The following USP33 variants were observed in gnomAD, a reference collection of about 807,000 sequenced individuals.
The protein encoded by USP33 is ubiquitin carboxyl-terminal hydrolase 33.
USP33 carries 46 observed loss-of-function variants against 124.2 expected under a neutral mutation model. That is an observed-to-expected ratio of 0.37 (90% CI 0.29 to 0.47). The LOEUF (loss-of-function observed/expected upper bound fraction) is 0.47. USP33 is among the 20% of genes least tolerant of loss of function. The pLI, the probability that USP33 is intolerant of heterozygous loss-of-function variation, is 0.99. For synonymous variants in USP33, 350 were observed against 352.3 expected (o/e 0.99, Z 0.07); for missense variants, 851 against 1,070.6 (o/e 0.79, Z 2.86).
At chr1:77,737,271 G>A (rs1289434830) in intron 5 of USP33, among the ~76,000 whole-genome samples, 1 of 152,208 alleles carries the variant, frequency 6.6e-6, no homozygotes, top group African/African-American at 2.4e-5. Context: ...GCAGGCATAT[G>A]CACTAATTCC....
chr1:77,721,787 A>G, intron 14 of USP33, 44 bp downstream of exon 14: 1 of 1,537,018 alleles, frequency 6.5e-7, no homozygotes, highest in South Asian at 1.2e-5. Flanking sequence ...CTAGTATTTT[A>G]GATTTACCTA....
At chr1:77,744,265 T>C (rs1462987917) in intron 1 of USP33, among the ~76,000 whole-genome samples, 2 of 151,884 alleles carry the variant, frequency 1.3e-5, no homozygotes, top group Non-Finnish European at 2.9e-5. Flanking sequence ...ATAACTGGCA[T>C]CTAATAAAAA....
chr1:77,741,087 CAA>C, intron 3 of USP33, 148 bp from the exon 4 acceptor site: 1 of 637,746 alleles, frequency 1.6e-6, no homozygotes, highest in South Asian at 2.7e-5. Flanking sequence ...TAAATTTAAC[CAA>C]ATGTTTCCAG....
chr1:77,714,507 G>T, intron 19 of USP33, 107 bp downstream of exon 19: 1 of 1,121,662 alleles, frequency 8.9e-7, no homozygotes. Flanking sequence ...TTGAATGCAG[G>T]TGGGGAAATG....
chr1:77,708,145 G>T (rs1411177500), intron 21 of USP33, among the ~76,000 whole-genome samples: 1 of 151,996 alleles, frequency 6.6e-6, no homozygotes, highest in African/African-American at 2.4e-5. Context: ...TTGACAAAGG[G>T]GTAGGCTGTG....
intron 16 of USP33, 107 bp from the exon 17 acceptor site, chr1:77,718,154 T>A: frequency 1.1e-6 from 1 of 928,274 alleles, no homozygotes; most frequent in Non-Finnish European, 1.6e-6. Context: ...GAAACTGAGG[T>A]GTTCAATCAA....
At chr1:77,718,415 T>C (rs1327755974) in intron 16 of USP33, among the ~76,000 whole-genome samples, 181 bp downstream of exon 16, 1 of 152,208 alleles carries the variant, frequency 6.6e-6, no homozygotes, top group African/African-American at 2.4e-5. Flanking sequence ...ACACAGCACA[T>C]TGTTAAAGGG....
At chr1:77,699,324 C>T (rs1463390142) in intron 22 of USP33, among the ~76,000 whole-genome samples, 1 of 152,116 alleles carries the variant, frequency 6.6e-6, no homozygotes, top group Admixed American at 6.5e-5. Flanking sequence ...AGTTTGAGAC[C>T]AACCTGGCTA....
At chr1:77,747,894 A>C (rs1406144568) in intron 1 of USP33, among the ~76,000 whole-genome samples, 1 of 152,082 alleles carries the variant, frequency 6.6e-6, no homozygotes, top group Non-Finnish European at 1.5e-5. Context: ...CTGTAATACT[A>C]CCTTTATCTT....
intron 7 of USP33, among the ~76,000 whole-genome samples, chr1:77,731,413 G>A (rs1677792909): frequency 6.6e-6 from 1 of 152,144 alleles, no homozygotes; most frequent in Admixed American, 6.5e-5. Context: ...TTAGCTTGAG[G>A]GAATCTCCAT....
chr1:77,750,350 C>A (rs116427229), intron 1 of USP33, among the ~76,000 whole-genome samples: 2,021 of 151,664 alleles, frequency 0.013, 40 homozygotes, highest in African/African-American at 0.047. Context: ...ATTGGCTGGG[C>A]AGCCACGCAT....
intron 21 of USP33, among the ~76,000 whole-genome samples, chr1:77,711,060 C>CA (rs1309937029): frequency 2.0e-5 from 3 of 151,862 alleles, no homozygotes; most frequent in Admixed American, 6.6e-5. Context: ...AGGAGTCCCT[C>CA]AAAAAAACAA....
At chr1:77,700,697 C>CTT (rs534786658) in intron 22 of USP33, among the ~76,000 whole-genome samples, 11 of 132,144 alleles carry the variant, frequency 8.3e-5, no homozygotes, top group Admixed American at 1.5e-4. Context: ...ATATCAGAAT[C>CTT]TTTTTTTTTT....
intron 23 of USP33, 123 bp downstream of exon 23, chr1:77,697,739 CT>C: frequency 1.9e-6 from 2 of 1,069,336 alleles, no homozygotes; most frequent in Non-Finnish European, 2.7e-6. Context: ...ATTACTTGCC[CT>C]AGTTAATGTA....
rs1445455448 is a variant in USP33 at position 77,741,650 on chromosome 1, T to G, written c.48A>C (p.Glu16Asp). 1.3e-6 allele frequency: 2 copies of G among 1,594,724 alleles called. No homozygotes were observed. The highest frequency in any genetic ancestry group is 2.7e-5 in the African/African-American group (2 of 73,910). ...NHCPHLDSVGEITKEDLIQKS... is the reference protein window; with the variant it reads ...NHCPHLDSVGDITKEDLIQKS... The stretch of plus-strand genomic sequence containing the variant: ...TTTGTATCAAATCTTCTTTTGTTAT[T>G]TCACCAACTGAATCCAAATGTGGAC... Residue 16 changes from glutamate (E) to aspartate (D), a missense_variant, in exon 2 of 24, where the codon GAA (glutamate) becomes GAC (aspartate). This residue lies in a region of USP33 where 221 missense variants were observed against 302.9 expected (regional missense o/e 0.73). Coordinates refer to ENST00000370794, the MANE Select transcript of USP33 (RefSeq NM_201624.3).
chr1:77,728,220 A>C, intron 10 of USP33, 75 bp downstream of exon 10: 1 of 1,408,082 alleles, frequency 7.1e-7, no homozygotes, highest in Non-Finnish European at 9.6e-7. Context: ...AAATACCCAA[A>C]GTAACAATTA....
intron 1 of USP33, among the ~76,000 whole-genome samples, chr1:77,753,223 C>T (rs951370111): frequency 2.0e-5 from 3 of 151,868 alleles, no homozygotes; most frequent in African/African-American, 7.3e-5. Flanking sequence ...GATTCTAGAC[C>T]CTTGAAGAAG....
intron 1 of USP33, among the ~76,000 whole-genome samples, chr1:77,759,167 C>A (rs1376212247): frequency 6.6e-6 from 1 of 152,194 alleles, no homozygotes; most frequent in Non-Finnish European, 1.5e-5. Flanking sequence ...GACGATGACA[C>A]CTCGGTTTTT....
chr1:77,711,053 A>G (rs1378456346), intron 21 of USP33, among the ~76,000 whole-genome samples: 1 of 152,150 alleles, frequency 6.6e-6, no homozygotes, highest in African/African-American at 2.4e-5. Flanking sequence ...TAAGCCCAGG[A>G]GTCCCTCAAA....
Sources: allele counts gnomAD v4.1 joint callset (sites outside exome capture counted in the v4.1 genomes callset), GRCh38; gene constraint gnomAD v4.1.1; regional missense constraint gnomAD v4.1.1; transcripts MANE v1.5; gene names NCBI Gene and HGNC (gene_info 2026-07-23, HGNC 2026-07-21).